The following PDGFD variants were observed in gnomAD, a reference collection of about 807,000 sequenced individuals.
PDGFD encodes the protein platelet derived growth factor D, also known as platelet-derived growth factor D.
PDGFD carries 30 observed loss-of-function variants against 44.7 expected under a neutral mutation model. The ratio of observed to expected loss-of-function variants is 0.67; its 90% CI spans 0.50 to 0.91. The LOEUF (loss-of-function observed/expected upper bound fraction) is 0.91. Among genes scored for constraint, PDGFD ranks in the 40% least tolerant of loss-of-function variants. The probability of loss-of-function intolerance (pLI) is 0.00; values close to 1 mark genes in which losing one functional copy is unlikely to be tolerated. For missense variants in PDGFD, 445 were observed against 457.8 expected, an observed-to-expected ratio of 0.97 and a Z score of 0.25; for synonymous variants, 173 against 168.4, an observed-to-expected ratio of 1.03 and a Z score of -0.21.
At chr11:104,069,299 A>T (rs963546523) in intron 1 of PDGFD, among the ~76,000 whole-genome samples, 5 of 152,192 alleles carry the variant, frequency 3.3e-5, no homozygotes, top group Admixed American at 6.5e-5. Flanking sequence ...AATACCACAG[A>T]AGTACTGTTG....
chr11:104,005,255 G>A (rs1859683221), intron 1 of PDGFD, among the ~76,000 whole-genome samples: 1 of 152,202 alleles, frequency 6.6e-6, no homozygotes, highest in African/African-American at 2.4e-5. Context: ...CAGAGCTAGT[G>A]AAAGGTAGAG....
At chr11:103,938,232 T>C (rs899929419) in intron 5 of PDGFD, among the ~76,000 whole-genome samples, 2 of 152,310 alleles carry the variant, frequency 1.3e-5, no homozygotes, top group Non-Finnish European at 2.9e-5. Context: ...CCTGACTTTT[T>C]AATGATTGCC....
At chr11:104,163,614 C>T (rs867848075) in intron 1 of PDGFD, among the ~76,000 whole-genome samples, 190 bp downstream of exon 1, 5 of 152,122 alleles carry the variant, frequency 3.3e-5, no homozygotes, top group Non-Finnish European at 7.4e-5. Flanking sequence ...CGTCCCACAC[C>T]TCTCAGTCCC....
intron 1 of PDGFD, among the ~76,000 whole-genome samples, chr11:104,126,298 C>A (rs1861840309): frequency 6.6e-6 from 1 of 152,164 alleles, no homozygotes; most frequent in African/African-American, 2.4e-5. Context: ...TTCAGTGGAG[C>A]AGGACACAGG....
intron 6 of PDGFD, among the ~76,000 whole-genome samples, chr11:103,925,816 C>T (rs1177688856): frequency 6.6e-6 from 1 of 150,964 alleles, no homozygotes; most frequent in Non-Finnish European, 1.5e-5. Context: ...GCAACCTCCG[C>T]CTCCCGGGTT....
At chr11:103,939,894 AC>A (rs773613969) in intron 5 of PDGFD, among the ~76,000 whole-genome samples, 8 of 151,868 alleles carry the variant, frequency 5.3e-5, no homozygotes, top group Admixed American at 3.3e-4. Flanking sequence ...TTTCTCCATT[AC>A]CCCCTAGGAA....
At chr11:104,000,332 A>G in intron 1 of PDGFD, 77 bp from the exon 2 acceptor site, 1 of 1,212,450 alleles carries the variant, frequency 8.2e-7, no homozygotes, top group Non-Finnish European at 1.2e-6. Flanking sequence ...AACAGTTTAC[A>G]ACACATCATA....
chr11:103,983,258 T>A (rs1350461964), intron 3 of PDGFD, among the ~76,000 whole-genome samples: 1 of 151,386 alleles, frequency 6.6e-6, no homozygotes, highest in Admixed American at 6.6e-5. Context: ...AACCACAAAA[T>A]AAGACCACTC....
chr11:104,114,457 A>T (rs182286121), intron 1 of PDGFD, among the ~76,000 whole-genome samples: 3 of 152,002 alleles, frequency 2.0e-5, no homozygotes, highest in African/African-American at 7.2e-5. Flanking sequence ...ATCTATTGGT[A>T]TATTGTTTTA....
chr11:104,113,929 T>A lies in PDGFD; in HGVS notation c.124+49875A>T, dbSNP rs186265899. 5.9e-5 allele frequency among the ~76,000 whole-genome samples: 9 copies of A among 152,218 alleles called. 1 individual carries two copies. In the South Asian group the frequency reaches 1.7e-3, roughly 28 times the overall value. On this transcript the variant is annotated intron_variant, in intron 1 of 6. Transcript: ENST00000393158. Reference sequence around the variant, plus strand: ...TTTGGTGAGGTGTCTGTTAAGGTTTTGGCCCAACTTTTAATTTGTTTTCTT... The same window carrying A: ...TTTGGTGAGGTGTCTGTTAAGGTTTAGGCCCAACTTTTAATTTGTTTTCTT...
chr11:103,973,832 G>A lies in PDGFD; in HGVS notation c.510+22233C>T, dbSNP rs139134350. Among the ~76,000 whole-genome samples, 1,229 of 152,228 alleles carry A rather than the reference G, an allele frequency of 8.1e-3. 24 individuals are homozygous for A. The highest frequency in any genetic ancestry group is 0.028 in the African/African-American group (1,172 of 41,532). On this transcript the variant is annotated intron_variant, in intron 3 of 6. Coordinates refer to ENST00000393158, the MANE Select transcript of PDGFD (RefSeq NM_025208.5). ...GGAGACAGAGTAAAACATGGGCTGG[G>A]GTAAGAGAGAGAGCGCTAAGGAGCA... is the stretch of plus-strand genomic sequence containing the variant.
rs547531362 is a variant in PDGFD, at chr11:104,136,383, C to T, written c.124+27421G>A. The stretch of plus-strand genomic sequence containing the variant: ...TCCTTTCCTCAAAAAACCCAGCAAT[C>T]CTCATCTCCCAGTGTAAAAAGATAA... On this transcript the variant is annotated intron_variant, in intron 1 of 6. Transcript: ENST00000393158. Among the ~76,000 whole-genome samples the T allele has an allele frequency of 4.2e-4, 64 of 152,302 alleles. 1 individual carries two copies. The South Asian group carries it at 0.012, about 29-fold the overall frequency.
intron 1 of PDGFD, among the ~76,000 whole-genome samples, chr11:104,138,097 AAC>A (rs1862037159): frequency 6.6e-6 from 1 of 152,168 alleles, no homozygotes; most frequent in Non-Finnish European, 1.5e-5. Context: ...ATATTTTCTG[AAC>A]ACTTTTTTAT....
At chr11:103,999,032 A>T (rs538744654) in intron 2 of PDGFD, among the ~76,000 whole-genome samples, 1 of 152,190 alleles carries the variant, frequency 6.6e-6, no homozygotes, top group South Asian at 2.1e-4. Flanking sequence ...GCATTAGTTT[A>T]TTCTCTTTGT....
intron 1 of PDGFD, among the ~76,000 whole-genome samples, chr11:104,069,768 G>A (rs1157402114): frequency 1.3e-5 from 2 of 152,220 alleles, no homozygotes; most frequent in South Asian, 4.1e-4. Flanking sequence ...GCTGAGGCAG[G>A]AGAATGGCGT....
intron 1 of PDGFD, among the ~76,000 whole-genome samples, chr11:104,045,234 T>C (rs1476449091): frequency 6.6e-6 from 1 of 152,180 alleles, no homozygotes; most frequent in African/African-American, 2.4e-5. Flanking sequence ...TATGTCTAAG[T>C]GTTGAAAGTA....
At chr11:103,920,227 T>G (rs1858192688) in intron 6 of PDGFD, among the ~76,000 whole-genome samples, 1 of 152,236 alleles carries the variant, frequency 6.6e-6, no homozygotes, top group East Asian at 1.9e-4. Context: ...ATTTTGAAAA[T>G]GCAATCATGA....
chr11:104,099,204 A>T (rs1416721579), intron 1 of PDGFD, among the ~76,000 whole-genome samples: 1 of 152,192 alleles, frequency 6.6e-6, no homozygotes, highest in Non-Finnish European at 1.5e-5. Context: ...TCTTGACAGT[A>T]GGAAGGACCA....
At chr11:104,099,404 A>T (rs1861335503) in intron 1 of PDGFD, among the ~76,000 whole-genome samples, 1 of 151,982 alleles carries the variant, frequency 6.6e-6, no homozygotes, top group African/African-American at 2.4e-5. Flanking sequence ...TTTTGGGAGG[A>T]CAAGGCAGGC....
Sources: gnomAD v4.1 joint callset for allele counts (sites outside exome capture counted in the v4.1 genomes callset) on GRCh38, gnomAD v4.1.1 for gene constraint, MANE v1.5 for transcripts, NCBI Gene and HGNC (gene_info 2026-07-23, HGNC 2026-07-21) for gene names.